Variants in BEST3 observed in about 807,000 individuals in gnomAD.
The protein encoded by BEST3 is bestrophin 3.
A neutral mutation model predicts 47.1 loss-of-function variants in BEST3; 50 were observed. That is an observed-to-expected ratio of 1.06 (90% CI 0.85 to 1.34). BEST3 has a LOEUF of 1.34. BEST3 is among the 40% of genes most tolerant of loss of function. The probability of loss-of-function intolerance (pLI) is 0.00; values close to 1 mark genes in which losing one functional copy is unlikely to be tolerated. For synonymous variants in BEST3, 282 were observed against 298.8 expected (o/e 0.94, Z 0.58); for missense variants, 765 against 817.0 (o/e 0.94, Z 0.78).
chr12:69,643,810 G>A (rs1882949595), intron 9 of BEST3: 1 of 705,380 alleles, frequency 1.4e-6, no homozygotes, highest in Non-Finnish European at 2.6e-6. Context: ...GGAGAAGGGA[G>A]AATGGTCTTT....
downstream of BEST3, among the ~76,000 whole-genome samples, chr12:69,649,325 T>C (rs1014660376): frequency 6.6e-6 from 1 of 152,220 alleles, no homozygotes; most frequent in Non-Finnish European, 1.5e-5. Flanking sequence ...TAAAGTATAA[T>C]CTAAGGAAAT....
At position 69,655,463 on chromosome 12, in the gene BEST3, A is replaced by G. The variant is rs769149024; in HGVS notation, c.1451T>C (p.Leu484Pro). 1 of 1,614,126 alleles carries G rather than the reference A, an allele frequency of 6.2e-7. No homozygotes were observed. The highest frequency in any genetic ancestry group is 1.1e-5 in the South Asian group (1 of 91,076). The change falls in exon 10 of 10, where the codon CTG becomes CCG. Residue 484 changes from leucine (L) to proline (P), a missense_variant. By Grantham distance (98) the Leu-to-Pro change is moderately conservative (BLOSUM62 -3). Transcript: ENST00000330891. Reference sequence around the variant, plus strand: ...AGTTCTCACACTGGACTGTGGGGTCAGGCTCTGTAAAGTGCTTGTCTGGCT... The same window carrying G: ...AGTTCTCACACTGGACTGTGGGGTCGGGCTCTGTAAAGTGCTTGTCTGGCT... Reference protein sequence around the residue: ...ETSQTSTLQSLTPQSSVRTSP... With the variant: ...ETSQTSTLQSPTPQSSVRTSP...
chr12:69,659,908 G>C (rs1372309863), intron 9 of BEST3: 1 of 152,004 alleles, frequency 6.6e-6, no homozygotes, highest in Non-Finnish European at 1.5e-5. Context: ...TTATGTTCTG[G>C]AACTTATTTG....
At chr12:69,682,286 C>T (rs994294779) in intron 4 of BEST3, among the ~76,000 whole-genome samples, 2 of 152,020 alleles carry the variant, frequency 1.3e-5, no homozygotes, top group African/African-American at 4.8e-5. Flanking sequence ...AAATCACTGT[C>T]CCACTAACTG....
At chr12:69,672,477 A>T (rs1324280056) in intron 8 of BEST3, among the ~76,000 whole-genome samples, 2 of 152,172 alleles carry the variant, frequency 1.3e-5, no homozygotes, top group East Asian at 3.8e-4. Context: ...TGGCTATCTG[A>T]CTGCTGGGAT....
intron 9 of BEST3, among the ~76,000 whole-genome samples, chr12:69,659,751 G>A (rs1037824696): frequency 1.3e-5 from 2 of 151,754 alleles, no homozygotes; most frequent in East Asian, 3.9e-4. Context: ...GATATTTAAA[G>A]TGTCCTCTTA....
chr12:69,650,211 A>C (rs982251466), downstream of BEST3, among the ~76,000 whole-genome samples: 21 of 152,144 alleles, frequency 1.4e-4, no homozygotes, highest in African/African-American at 4.8e-4. Flanking sequence ...GAGAGAGGTG[A>C]ATGTTTGTTA....
intron 4 of BEST3, among the ~76,000 whole-genome samples, chr12:69,681,837 T>A (rs1375931871): frequency 6.6e-6 from 1 of 152,068 alleles, no homozygotes; most frequent in Non-Finnish European, 1.5e-5. Context: ...TCCCAGCACT[T>A]TGGGAGGCCG....
chr12:69,695,988 A>G (rs61326228), intron 2 of BEST3, among the ~76,000 whole-genome samples: 5,343 of 152,210 alleles, frequency 0.035, 337 homozygotes, highest in African/African-American at 0.12. Flanking sequence ...AAATAAATGT[A>G]ATCAAATTAA....
intron 9 of BEST3, among the ~76,000 whole-genome samples, chr12:69,668,347 A>G (rs1213037796): frequency 6.6e-6 from 1 of 152,214 alleles, no homozygotes; most frequent in Non-Finnish European, 1.5e-5. Context: ...AGGATTTTAT[A>G]TGGTCACCAA....
At chr12:69,658,858 C>T (rs961032149) in intron 9 of BEST3, among the ~76,000 whole-genome samples, 3 of 152,084 alleles carry the variant, frequency 2.0e-5, no homozygotes, top group Non-Finnish European at 2.9e-5. Flanking sequence ...GTCCTTGGAC[C>T]GTGCCATGAA....
At chr12:69,690,639 T>G (rs780996289) in intron 4 of BEST3, among the ~76,000 whole-genome samples, 6 of 152,192 alleles carry the variant, frequency 3.9e-5, no homozygotes, top group Non-Finnish European at 7.3e-5. Flanking sequence ...CTCTCTTCAT[T>G]TCAAGGATGC....
At chr12:69,659,435 C>T (rs772528594) in intron 9 of BEST3, among the ~76,000 whole-genome samples, 21 of 152,310 alleles carry the variant, frequency 1.4e-4, no homozygotes, top group Non-Finnish European at 2.4e-4. Flanking sequence ...CTCACTGTAG[C>T]CTTGACCTCT....
At chr12:69,682,081 C>CAAAAAAAAAA (rs35331064) in intron 4 of BEST3, among the ~76,000 whole-genome samples, 1 of 102,298 alleles carries the variant, frequency 9.8e-6, no homozygotes, top group Non-Finnish European at 1.8e-5. Flanking sequence ...GACTCCGTCT[C>CAAAAAAAAAA]AAAAAAAAAA....
downstream of BEST3, among the ~76,000 whole-genome samples, chr12:69,650,148 T>C (rs1331771225): frequency 2.6e-5 from 4 of 152,244 alleles, no homozygotes; most frequent in Non-Finnish European, 4.4e-5. Flanking sequence ...CCATTTGCCA[T>C]GGCCAGGCAT....
chr12:69,646,528 A>G (rs538953127), intron 9 of BEST3, among the ~76,000 whole-genome samples: 1 of 152,148 alleles, frequency 6.6e-6, no homozygotes, highest in South Asian at 2.1e-4. Flanking sequence ...TGGAGCTTAC[A>G]TCCCAGTGGA....
rs774049665 is a variant in BEST3, at chr12:69,677,033, C to T, written c.750G>A (p.Ala250=). The T allele has an allele frequency of 1.5e-5, 24 of 1,613,982 alleles. No homozygotes were observed. Among genetic ancestry groups the T allele is most frequent in the East Asian group, 2.2e-5 (1 of 44,888 alleles). The change falls in exon 7 of 10, where the codon GCG becomes GCA. Residue 250 remains alanine (A), a synonymous_variant. Transcript: ENST00000330891. ...VTLAVYTFFF[A]CLIGRQFLDP... Reference sequence around the variant, plus strand: ...CCAAAAACTGGCGTCCAATCAGGCACGCAAAGAAGAAGGTATAGACAGCAA... The same window carrying T: ...CCAAAAACTGGCGTCCAATCAGGCATGCAAAGAAGAAGGTATAGACAGCAA...
At chr12:69,681,349 G>A (rs1463062693) in intron 4 of BEST3, among the ~76,000 whole-genome samples, 1 of 152,112 alleles carries the variant, frequency 6.6e-6, no homozygotes, top group Admixed American at 6.5e-5. Context: ...GGGTGCAGTG[G>A]CTCATGCCTA....
intron 9 of BEST3, among the ~76,000 whole-genome samples, chr12:69,668,725 T>C (rs1003119474): frequency 6.6e-6 from 1 of 152,230 alleles, no homozygotes; most frequent in African/African-American, 2.4e-5. Context: ...GGTTCAAAGA[T>C]GGACCTATAA....
Sources: allele counts gnomAD v4.1 joint callset (sites outside exome capture counted in the v4.1 genomes callset), GRCh38; gene constraint gnomAD v4.1.1; transcripts MANE v1.5; gene names NCBI Gene and HGNC (gene_info 2026-07-23, HGNC 2026-07-21).